NELL1: variants seen among roughly 807,000 people sequenced by gnomAD.
The protein encoded by NELL1 is neural EGFL like 1, also known as protein kinase C-binding protein NELL1.
Under a neutral mutation model 107.4 loss-of-function variants are expected in NELL1, and 76 were observed. That is an observed-to-expected ratio of 0.71 (90% CI 0.59 to 0.86). The LOEUF (loss-of-function observed/expected upper bound fraction) is 0.86, where lower values mean the gene tolerates loss of function less well. Among genes scored for constraint, NELL1 ranks in the 40% least tolerant of loss-of-function variants. The pLI is 0.00. For synonymous variants in NELL1, 353 were observed against 341.2 expected (o/e 1.03, Z -0.38); for missense variants, 1,024 against 1,005.5 (o/e 1.02, Z -0.25).
intron 15 of NELL1, among the ~76,000 whole-genome samples, chr11:21,461,940 G>GAGTT (rs539373524): frequency 4.5e-3 from 682 of 152,214 alleles, no homozygotes; most frequent in Non-Finnish European, 7.2e-3. Context: ...CCAGGGAATA[G>GAGTT]AGTTAGGAAA....
chr11:21,555,920 A>G (rs1255348688), intron 16 of NELL1, among the ~76,000 whole-genome samples: 1 of 151,934 alleles, frequency 6.6e-6, no homozygotes, highest in Non-Finnish European at 1.5e-5. Flanking sequence ...TGGTATGGCC[A>G]GCACATGATA....
At chr11:20,762,395 G>C (rs1159831168) in intron 2 of NELL1, among the ~76,000 whole-genome samples, 4 of 152,204 alleles carry the variant, frequency 2.6e-5, no homozygotes, top group Non-Finnish European at 5.9e-5. Context: ...TCCAATGGCT[G>C]CTATCAAACT....
intron 3 of NELL1, among the ~76,000 whole-genome samples, chr11:20,840,575 C>A (rs1343659356): frequency 1.3e-5 from 2 of 152,214 alleles, no homozygotes; most frequent in African/African-American, 4.8e-5. Context: ...ATGCCACCTC[C>A]CCAGTACGGT....
intron 3 of NELL1, among the ~76,000 whole-genome samples, chr11:20,802,451 A>T (rs1857299321): frequency 1.3e-5 from 2 of 151,468 alleles, no homozygotes; most frequent in Non-Finnish European, 2.9e-5. Flanking sequence ...TTTGTTTATC[A>T]GTTCTAATCT....
intron 12 of NELL1, among the ~76,000 whole-genome samples, chr11:21,035,334 C>A (rs2134322946): frequency 6.6e-6 from 1 of 152,090 alleles, no homozygotes. Flanking sequence ...TGAAACTATT[C>A]CAAAAATCGA....
chr11:21,026,438 T>G (rs2134310000), intron 12 of NELL1, among the ~76,000 whole-genome samples: 1 of 152,286 alleles, frequency 6.6e-6, no homozygotes, highest in African/African-American at 2.4e-5. Context: ...ACTGAATCAG[T>G]ATGGTCTTTG....
Position 21,272,430 on chromosome 11 carries a change from C to T in NELL1, c.1549+42976C>T, listed in dbSNP as rs559827597. 1.2e-4 allele frequency among the ~76,000 whole-genome samples: 19 copies of T among 152,294 alleles called. No individual in the cohort carries two copies. The South Asian group carries it at 2.7e-3, about 22-fold the overall frequency. On this transcript the variant is annotated intron_variant, in intron 14 of 19. Transcript: ENST00000357134. ...GAAGCTCGAACTGGGTGGAGCCCAC[C>T]GCAGCTCAAGGAGGCCTGCCTGCCT...
At chr11:21,533,855 C>T (rs1294613430) in intron 15 of NELL1, among the ~76,000 whole-genome samples, 2 of 152,098 alleles carry the variant, frequency 1.3e-5, no homozygotes, top group East Asian at 1.9e-4. Context: ...ATTTCGGAAA[C>T]AGTGTGTATT....
chr11:20,950,885 G>T (rs1204830152), intron 11 of NELL1, among the ~76,000 whole-genome samples: 1 of 152,182 alleles, frequency 6.6e-6, no homozygotes, highest in Non-Finnish European at 1.5e-5. Flanking sequence ...AGTGGCTGTG[G>T]CCTTTCAACA....
chr11:21,423,443 C>G (rs1852742437), intron 15 of NELL1, among the ~76,000 whole-genome samples: 1 of 151,706 alleles, frequency 6.6e-6, no homozygotes, highest in African/African-American at 2.4e-5. Flanking sequence ...ATAATAATTA[C>G]AAACATTTAA....
chr11:20,683,455 A>C (rs1854236664), intron 2 of NELL1, among the ~76,000 whole-genome samples: 1 of 152,006 alleles, frequency 6.6e-6, no homozygotes, highest in Non-Finnish European at 1.5e-5. Context: ...TTCAGCCCAC[A>C]AACTCCCTCC....
intron 3 of NELL1, among the ~76,000 whole-genome samples, chr11:20,832,536 AAATG>A (rs760684020): frequency 6.6e-6 from 1 of 152,196 alleles, no homozygotes; most frequent in East Asian, 1.9e-4. Context: ...TTTTTGAAAT[AAATG>A]AATGAATACC....
At chr11:21,018,645 A>C (rs1210477451) in intron 12 of NELL1, among the ~76,000 whole-genome samples, 1 of 152,008 alleles carries the variant, frequency 6.6e-6, no homozygotes, top group Admixed American at 6.6e-5. Flanking sequence ...TCCTGCTGGC[A>C]AAAGAGGTCC....
intron 2 of NELL1, among the ~76,000 whole-genome samples, chr11:20,739,792 G>A (rs1855846407): frequency 6.6e-6 from 1 of 152,102 alleles, no homozygotes; most frequent in Admixed American, 6.6e-5. Context: ...ATATACTGTA[G>A]GGGGTAGCAT....
intron 17 of NELL1, among the ~76,000 whole-genome samples, chr11:21,563,096 C>T (rs1231533555): frequency 6.6e-6 from 1 of 152,028 alleles, no homozygotes; most frequent in Non-Finnish European, 1.5e-5. Flanking sequence ...AAACTTATGT[C>T]CCTCCAGCAT....
rs560745431 is a variant in NELL1, at chr11:21,274,321, A to G, written c.1549+44867A>G. Among the ~76,000 whole-genome samples the G allele has an allele frequency of 2.6e-5, 4 of 152,328 alleles. No individual in the cohort carries two copies. The East Asian group carries it at 5.8e-4, about 22-fold the overall frequency. ...GAGACAAGTCCATTACATAATGGTAAAAGGATCAATTCAACAAGAAGAGCT... is the reference window on the plus strand; with the variant it reads ...GAGACAAGTCCATTACATAATGGTAGAAGGATCAATTCAACAAGAAGAGCT... On this transcript the variant is annotated intron_variant, in intron 14 of 19. Coordinates refer to ENST00000357134, the MANE Select transcript of NELL1 (RefSeq NM_006157.5).
At position 21,542,562 on chromosome 11, in the gene NELL1, C is replaced by T. The variant is rs948274384; in HGVS notation, c.1786+8048C>T. ...CTGAGCGATGGGCAGGATAACTACG[C>T]GACATGTTTTTGACAGTTAATGTGA... On this transcript the variant is annotated intron_variant, in intron 16 of 19. Coordinates refer to ENST00000357134, the MANE Select transcript of NELL1 (RefSeq NM_006157.5). 9.9e-5 allele frequency among the ~76,000 whole-genome samples: 15 copies of T among 152,044 alleles called. No homozygotes were observed. In the East Asian group the frequency reaches 2.1e-3, roughly 22 times the overall value.
At chr11:21,163,984 G>T (rs115147914) in intron 13 of NELL1, among the ~76,000 whole-genome samples, 1 of 152,048 alleles carries the variant, frequency 6.6e-6, no homozygotes, top group African/African-American at 2.4e-5. Context: ...TATAAGAAAA[G>T]GAAGATACAC....
chr11:21,502,858 TTTTA>T (rs1855177669), intron 15 of NELL1, among the ~76,000 whole-genome samples: 1 of 152,180 alleles, frequency 6.6e-6, no homozygotes, highest in African/African-American at 2.4e-5. Context: ...TTCCTATCTT[TTTTA>T]TTTTTTAAAA....
Sources: gnomAD v4.1 joint callset for allele counts (sites outside exome capture counted in the v4.1 genomes callset) on GRCh38, gnomAD v4.1.1 for gene constraint, MANE v1.5 for transcripts, NCBI Gene and HGNC (gene_info 2026-07-23, HGNC 2026-07-21) for gene names.